DENND11: variants seen among roughly 807,000 people sequenced by gnomAD.
DENND11 encodes the protein DENN domain containing 11.
DENND11 carries 34 observed loss-of-function variants against 49.2 expected under a neutral mutation model. That is an observed-to-expected ratio of 0.69 (90% CI 0.53 to 0.92). The LOEUF is 0.92. Ranked by LOEUF, DENND11 falls within the 40% of genes least tolerant of loss-of-function variation. The pLI is 0.00. For synonymous variants in DENND11, 238 were observed against 230.3 expected, an observed-to-expected ratio of 1.03 and a Z score of -0.30; for missense variants, 475 against 581.6, an observed-to-expected ratio of 0.82 and a Z score of 1.88.
intron 1 of DENND11, 188 bp downstream of exon 1, chr7:141,701,698 C>T (rs1311329595): frequency 1.1e-5 from 4 of 374,524 alleles, no homozygotes; most frequent in Non-Finnish European, 1.7e-5. Flanking sequence ...CCAGCTGCGC[C>T]CCGAGGGAGA....
chr7:141,672,819 T>C (rs760008086), intron 4 of DENND11, among the ~76,000 whole-genome samples: 17 of 152,230 alleles, frequency 1.1e-4, no homozygotes, highest in Admixed American at 1.0e-3. Flanking sequence ...CTATTCCTTT[T>C]TTACTCCTTC....
At chr7:141,696,165 A>G (rs953214681) in intron 1 of DENND11, among the ~76,000 whole-genome samples, 2 of 152,154 alleles carry the variant, frequency 1.3e-5, no homozygotes, top group Non-Finnish European at 2.9e-5. Flanking sequence ...GGTCAGCCTG[A>G]CAGCTCTGTG....
Position 141,662,827 on chromosome 7 carries a change from C to A in DENND11, c.1197G>T (p.Arg399=). 6.4e-7 allele frequency: 1 copy of A among 1,571,832 alleles called. No homozygotes were observed. Among genetic ancestry groups the A allele is most frequent in the Admixed American group, 1.9e-5 (1 of 53,132 alleles). Residue 399 remains arginine, a synonymous_variant, in exon 9 of 9, where the codon CGG becomes CGT. Coordinates refer to ENST00000536163, the MANE Select transcript of DENND11 (RefSeq NM_001080392.2). ...FVLFFLEQNN[R]IFQTLLEVSA... is the part of the protein sequence containing the mutation. ...ACACCTCCAACAAAGTCTGAAATAT[C>A]CGGTTGTTTTGTTCTAGGAAAAACC...
Position 141,687,747 on chromosome 7 carries a change from G to A in DENND11, c.269-1089C>T, listed in dbSNP as rs190543271. Among the ~76,000 whole-genome samples, 757 of 149,070 alleles carry A rather than the reference G, an allele frequency of 5.1e-3. 8 individuals are homozygous for A. Among genetic ancestry groups the A allele is most frequent in the African/African-American group, 0.018 (739 of 40,604 alleles). On this transcript the variant is annotated intron_variant, in intron 1 of 8. Transcript: ENST00000536163. Reference sequence around the variant, plus strand: ...CCTCCCAGGTTCATGCCATTCTCCCGCCTCAGCCTCCCCAGTAGCTGGGAC... The same window carrying A: ...CCTCCCAGGTTCATGCCATTCTCCCACCTCAGCCTCCCCAGTAGCTGGGAC...
chr7:141,680,208 C>T lies in DENND11; in HGVS notation c.527+5270G>A, dbSNP rs567087226. ...CTATAATTCTATAGAAGGCATATGACACAGCTGAAAACAAGGAAGAAACTC... is the reference window on the plus strand; with the variant it reads ...CTATAATTCTATAGAAGGCATATGATACAGCTGAAAACAAGGAAGAAACTC... On this transcript the variant is annotated intron_variant, in intron 3 of 8. Transcript: ENST00000536163. 4.0e-4 allele frequency among the ~76,000 whole-genome samples: 61 copies of T among 151,482 alleles called. No individual in the cohort carries two copies. The South Asian group carries it at 0.013, about 31-fold the overall frequency.
intron 4 of DENND11, among the ~76,000 whole-genome samples, chr7:141,667,612 T>C (rs1244291189): frequency 2.0e-5 from 3 of 152,124 alleles, no homozygotes; most frequent in Non-Finnish European, 4.4e-5. Flanking sequence ...AAAGAGCTCA[T>C]CACCCATCAG....
chr7:141,675,960 T>G (rs1798055517), intron 3 of DENND11, among the ~76,000 whole-genome samples: 1 of 152,200 alleles, frequency 6.6e-6, no homozygotes, highest in Non-Finnish European at 1.5e-5. Context: ...TTGTAGTCAC[T>G]TAGTTCACTT....
intron 3 of DENND11, among the ~76,000 whole-genome samples, chr7:141,684,575 AAAT>A (rs1377450413): frequency 6.6e-6 from 1 of 152,322 alleles, no homozygotes; most frequent in East Asian, 1.9e-4. Context: ...ATAAATTTTT[AAAT>A]AATAAACGTG....
At chr7:141,666,058 C>T (rs539420210) in intron 5 of DENND11, among the ~76,000 whole-genome samples, 1 of 150,950 alleles carries the variant, frequency 6.6e-6, no homozygotes, top group East Asian at 1.9e-4. Context: ...TAGAATGCAT[C>T]TTCTCTGCTT....
chr7:141,686,497 T>C (rs1013896147), intron 2 of DENND11, 62 bp downstream of exon 2: 3 of 1,049,576 alleles, frequency 2.9e-6, no homozygotes, highest in Non-Finnish European at 4.4e-6. Flanking sequence ...CCCTTCAGCT[T>C]TGGGGAAAGT....
chr7:141,660,593 C>T lies in DENND11; in HGVS notation c.*2063G>A, dbSNP rs1797773697. On this transcript the variant is annotated 3_prime_UTR_variant, in exon 9 of 9. Coordinates refer to ENST00000536163, the MANE Select transcript of DENND11 (RefSeq NM_001080392.2). ...CAGAGCAGAAATGCCTCAAACAGCT[C>T]CTTCCGGCAGATTCCCTAATTCCAG... The T allele has an allele frequency of 1.3e-5, 2 of 152,254 alleles. No homozygotes were observed. Among genetic ancestry groups the T allele is most frequent in the African/African-American group, 4.8e-5 (2 of 41,450 alleles). 9.4% of individuals were successfully genotyped at this position (152,254 alleles called of 1,614,324 possible).
At chr7:141,677,190 C>A (rs1798070817) in intron 3 of DENND11, among the ~76,000 whole-genome samples, 1 of 151,918 alleles carries the variant, frequency 6.6e-6, no homozygotes, top group African/African-American at 2.4e-5. Flanking sequence ...CTTTGGGAGG[C>A]TGAGGTGGGC....
At chr7:141,699,909 CCAT>C (rs1798478066) in intron 1 of DENND11, among the ~76,000 whole-genome samples, 1 of 150,946 alleles carries the variant, frequency 6.6e-6, no homozygotes, top group South Asian at 2.1e-4. Context: ...AGTCTGAAAA[CCAT>C]CACTCACACA....
At chr7:141,667,579 T>C (rs759204428) in intron 4 of DENND11, among the ~76,000 whole-genome samples, 16 of 152,154 alleles carry the variant, frequency 1.1e-4, no homozygotes, top group Non-Finnish European at 1.9e-4. Flanking sequence ...TGAAAGGTCA[T>C]TTCCATGCCA....
chr7:141,681,366 C>A (rs908021490), intron 3 of DENND11, among the ~76,000 whole-genome samples: 3 of 152,138 alleles, frequency 2.0e-5, no homozygotes, highest in Non-Finnish European at 4.4e-5. Context: ...CAATTTGGGA[C>A]CCCACAGGGC....
chr7:141,699,052 C>A (rs574858964), intron 1 of DENND11, among the ~76,000 whole-genome samples: 7 of 152,078 alleles, frequency 4.6e-5, no homozygotes, highest in African/African-American at 1.7e-4. Context: ...GGCAGGCCAG[C>A]GAGAGAAACT....
intron 3 of DENND11, among the ~76,000 whole-genome samples, chr7:141,676,681 T>C (rs561089824): frequency 3.0e-4 from 45 of 152,170 alleles, no homozygotes; most frequent in Non-Finnish European, 4.9e-4. Context: ...ACAAACAAGA[T>C]TGTCAAACTA....
intron 8 of DENND11, 44 bp downstream of exon 8, chr7:141,664,128 A>T (rs1211788747): frequency 2.0e-6 from 3 of 1,468,638 alleles, no homozygotes; most frequent in Admixed American, 1.9e-5. Flanking sequence ...TCAGTGCCGA[A>T]GGGATCCTCA....
chr7:141,688,800 C>T (rs1798282977), intron 1 of DENND11, among the ~76,000 whole-genome samples: 1 of 152,282 alleles, frequency 6.6e-6, no homozygotes, highest in Middle Eastern at 3.4e-3. Context: ...TCTTCCCTGC[C>T]CTGCCACAGG....
Sources: allele counts gnomAD v4.1 joint callset (sites outside exome capture counted in the v4.1 genomes callset), GRCh38; gene constraint gnomAD v4.1.1; transcripts MANE v1.5; gene names NCBI Gene and HGNC (gene_info 2026-07-23, HGNC 2026-07-21).